EPB41L2: variants seen among roughly 807,000 people sequenced by gnomAD.
EPB41L2 encodes band 4.1-like protein 2.
In EPB41L2, 43 loss-of-function variants were observed where a neutral mutation model predicts 113.0. The ratio of observed to expected loss-of-function variants is 0.38; its 90% CI spans 0.30 to 0.49. EPB41L2 has a LOEUF of 0.49. EPB41L2 is among the 20% of genes least tolerant of loss of function. EPB41L2 has a pLI of 0.95. For missense variants in EPB41L2, 1,147 were observed against 1,223.4 expected (o/e 0.94, Z 0.93); for synonymous variants, 442 against 436.7 (o/e 1.01, Z -0.15).
chr6:130,951,901 C>T (rs541935214), intron 3 of EPB41L2, among the ~76,000 whole-genome samples: 2 of 151,962 alleles, frequency 1.3e-5, no homozygotes, highest in Non-Finnish European at 2.9e-5. Context: ...CAGGTAGAGG[C>T]TATTCTTTCA....
intron 10 of EPB41L2, among the ~76,000 whole-genome samples, chr6:130,890,807 C>T (rs1311612579): frequency 3.9e-5 from 6 of 152,152 alleles, no homozygotes; most frequent in Non-Finnish European, 5.9e-5. Context: ...TAGCTATAAG[C>T]GCCAAGTAAC....
intron 4 of EPB41L2, among the ~76,000 whole-genome samples, chr6:130,915,559 G>A (rs935793645): frequency 2.0e-5 from 3 of 152,098 alleles, no homozygotes; most frequent in African/African-American, 7.2e-5. Context: ...ATTTATGCTA[G>A]CCAATATTTT....
intron 1 of EPB41L2, among the ~76,000 whole-genome samples, chr6:131,023,816 A>C (rs1448164772): frequency 1.3e-5 from 2 of 150,558 alleles, no homozygotes; most frequent in South Asian, 2.1e-4. Context: ...AAAGAACTCT[A>C]TGTCTATAGG....
At chr6:131,002,948 C>A (rs1381196997) in intron 1 of EPB41L2, among the ~76,000 whole-genome samples, 2 of 152,116 alleles carry the variant, frequency 1.3e-5, no homozygotes, top group Non-Finnish European at 2.9e-5. Flanking sequence ...TAAAGTAAAA[C>A]AGGCAGAATG....
At chr6:130,891,428 T>TTTATTTACTTACTTAC (rs67670350) in intron 10 of EPB41L2, among the ~76,000 whole-genome samples, 3 of 149,364 alleles carry the variant, frequency 2.0e-5, no homozygotes, top group Admixed American at 6.6e-5. Context: ...TATTTATTTA[T>TTTATTTACTTACTTAC]TTACTTACTT....
At chr6:131,012,654 G>GA (rs1250704620) in intron 1 of EPB41L2, among the ~76,000 whole-genome samples, 6 of 150,864 alleles carry the variant, frequency 4.0e-5, no homozygotes, top group Non-Finnish European at 7.4e-5. Flanking sequence ...ATAGAAGAGG[G>GA]AAAAAAAATG....
At chr6:130,887,737 T>G (rs1258080225) in intron 11 of EPB41L2, among the ~76,000 whole-genome samples, 1 of 152,242 alleles carries the variant, frequency 6.6e-6, no homozygotes, top group African/African-American at 2.4e-5. Context: ...TCAACTGACC[T>G]GGTTCTTCCT....
intron 1 of EPB41L2, among the ~76,000 whole-genome samples, chr6:130,997,230 T>C (rs1354963476): frequency 6.6e-6 from 1 of 152,230 alleles, no homozygotes; most frequent in Non-Finnish European, 1.5e-5. Context: ...AGGAGATTTT[T>C]CCCTCAGTTC....
At chr6:130,915,447 G>C (rs1442588633) in intron 4 of EPB41L2, among the ~76,000 whole-genome samples, 1 of 152,098 alleles carries the variant, frequency 6.6e-6, no homozygotes, top group Non-Finnish European at 1.5e-5. Flanking sequence ...TAGGAACATA[G>C]CAGAAAAAAA....
chr6:131,022,145 G>C (rs1005403301), intron 1 of EPB41L2, among the ~76,000 whole-genome samples: 1 of 152,026 alleles, frequency 6.6e-6, no homozygotes, highest in Non-Finnish European at 1.5e-5. Flanking sequence ...TGATCATCAG[G>C]CATTAGATTT....
At chr6:131,011,393 A>C (rs1786933213) in intron 1 of EPB41L2, among the ~76,000 whole-genome samples, 1 of 152,208 alleles carries the variant, frequency 6.6e-6, no homozygotes, top group Non-Finnish European at 1.5e-5. Flanking sequence ...AGGCCCAAGA[A>C]CTTCTGAGGT....
intron 1 of EPB41L2, among the ~76,000 whole-genome samples, chr6:131,010,104 G>A (rs917673971): frequency 3.9e-4 from 59 of 152,180 alleles, no homozygotes; most frequent in African/African-American, 1.4e-3. Flanking sequence ...ATGCTTTCAT[G>A]TAATTCAACA....
rs988990884 is a variant in EPB41L2 at position 130,865,461 on chromosome 6, AAGAG to A, written c.2829+71_2829+74del. Reference sequence around the variant, plus strand: ...TATCTTACTTGGAAGTGTGTACAGGAAGAGAGAAACAATTCAGAAAAGATTCTGT... The same window carrying A: ...TATCTTACTTGGAAGTGTGTACAGGAAGAAACAATTCAGAAAAGATTCTGT... On this transcript the variant is annotated intron_variant, in intron 17 of 19. Coordinates refer to ENST00000337057, the MANE Select transcript of EPB41L2 (RefSeq NM_001431.4). 1.1e-4 allele frequency: 163 copies of A among 1,433,662 alleles called. 1 individual carries two copies. The African/African-American group carries it at 2.1e-3, about 19-fold the overall frequency. 88.8% of individuals were successfully genotyped at this position (1,433,662 alleles called of 1,614,324 possible). A position where few individuals can be genotyped will look rare whatever the true frequency, so the allele number is the denominator to read the frequency against.
At chr6:130,947,782 C>T (rs890104431) in intron 3 of EPB41L2, among the ~76,000 whole-genome samples, 3 of 152,130 alleles carry the variant, frequency 2.0e-5, no homozygotes, top group African/African-American at 7.2e-5. Context: ...CAGACCCAAA[C>T]TAATGATACT....
intron 14 of EPB41L2, chr6:130,872,541 A>G (rs1208516864): frequency 1.6e-6 from 2 of 1,288,324 alleles, no homozygotes; most frequent in Non-Finnish European, 2.0e-6. Context: ...TCTAGGCTCT[A>G]GAGAGGTCAG....
At chr6:131,057,620 C>T (rs1434959299) in intron 1 of EPB41L2, among the ~76,000 whole-genome samples, 2 of 152,138 alleles carry the variant, frequency 1.3e-5, no homozygotes, top group East Asian at 3.8e-4. Flanking sequence ...AATACAAGGG[C>T]TTGGAAAAGG....
chr6:130,971,923 C>A (rs372529320), intron 1 of EPB41L2, among the ~76,000 whole-genome samples: 151 of 152,240 alleles, frequency 9.9e-4, no homozygotes, highest in African/African-American at 3.4e-3. Flanking sequence ...ATTCATTCAA[C>A]CTGTACATAA....
At chr6:131,001,089 T>C (rs1446117012) in intron 1 of EPB41L2, among the ~76,000 whole-genome samples, 2 of 149,896 alleles carry the variant, frequency 1.3e-5, no homozygotes, top group Non-Finnish European at 3.0e-5. Flanking sequence ...ATTCCAACTA[T>C]ACAACTAGAC....
At chr6:131,058,691 T>C (rs777980801) in intron 1 of EPB41L2, among the ~76,000 whole-genome samples, 5 of 152,196 alleles carry the variant, frequency 3.3e-5, no homozygotes, top group African/African-American at 7.2e-5. Context: ...ACACATACTT[T>C]ATAGAAAAAG....
Sources: gnomAD v4.1 joint callset for allele counts (sites outside exome capture counted in the v4.1 genomes callset) on GRCh38, gnomAD v4.1.1 for gene constraint, MANE v1.5 for transcripts, NCBI Gene and HGNC (gene_info 2026-07-23, HGNC 2026-07-21) for gene names.